PPRC1: variants seen among roughly 807,000 people sequenced by gnomAD.
The protein encoded by PPRC1 is peroxisome proliferator-activated receptor gamma coactivator-related protein 1.
A neutral mutation model predicts 132.5 loss-of-function variants in PPRC1; 23 were observed. That is an observed-to-expected ratio of 0.17 (90% CI 0.12 to 0.25). PPRC1 has a LOEUF of 0.25. Among genes scored for constraint, PPRC1 ranks in the 10% least tolerant of loss-of-function variants. The pLI, the probability that PPRC1 is intolerant of heterozygous loss-of-function variation, is 1.00. For synonymous variants in PPRC1, 872 were observed against 833.5 expected (o/e 1.05, Z -0.80); for missense variants, 2,006 against 2,089.1 (o/e 0.96, Z 0.78).
the PPRC1 span, among the ~76,000 whole-genome samples, chr10:102,124,362 C>A: frequency 1.3e-5 from 2 of 151,728 alleles, no homozygotes; most frequent in African/African-American, 2.4e-5. Flanking sequence ...CGCGCCCGGC[C>A]TTCTTTCTTT....
At chr10:102,130,716 C>G (rs1298494389), upstream of PPRC1, among the ~76,000 whole-genome samples, 3 of 150,894 alleles carry the variant, frequency 2.0e-5, no homozygotes, top group African/African-American at 7.3e-5. Context: ...GCCTGGGTGA[C>G]AAGAGTGAAA....
Position 102,147,282 on chromosome 10 carries a change from C to A in PPRC1, c.4290C>A (p.Val1430=), listed in dbSNP as rs2069302082. The A allele has an allele frequency of 6.2e-7, 1 of 1,612,924 alleles. No individual in the cohort carries two copies. The highest frequency in any genetic ancestry group is 1.1e-5 in the South Asian group (1 of 91,090). ...QGRRGRNSRS[V]SSGSNRTSEA... is the part of the protein sequence containing the mutation. ...GCCGAGGCCGCAACAGCCGTTCTGTCAGCTCTGGGTCCAACCGGACTAGCG... is the reference window on the plus strand; with the variant it reads ...GCCGAGGCCGCAACAGCCGTTCTGTAAGCTCTGGGTCCAACCGGACTAGCG... Residue 1430 remains valine (V), a synonymous_variant, in exon 9 of 14, where the codon GTC becomes GTA. Coordinates refer to ENST00000278070, the MANE Select transcript of PPRC1 (RefSeq NM_015062.5).
chr10:102,139,694 TCAGAGA>T lies in PPRC1; in HGVS notation c.1192_1197del (p.Thr398_Glu399del). On this transcript the variant is annotated inframe_deletion, in exon 5 of 14. Transcript: ENST00000278070. ...GCAGCTGCTTATGCCTACACTGGAG[TCAGAGA>T]CAGAGGCTGCTGTGCCCAAGGTAAC... is the stretch of plus-strand genomic sequence containing the variant. 2 of 1,613,686 alleles carry T rather than the reference TCAGAGA, an allele frequency of 1.2e-6. No homozygotes were observed. The highest frequency in any genetic ancestry group is 2.2e-5 in the South Asian group (2 of 91,078).
intron 6 of PPRC1, 149 bp from the exon 7 acceptor site, chr10:102,144,101 G>T (rs2069116132): frequency 6.7e-6 from 5 of 751,840 alleles, no homozygotes; most frequent in South Asian, 1.4e-5. Flanking sequence ...GGCATCCACT[G>T]GAGGAGACTA....
the PPRC1 span, among the ~76,000 whole-genome samples, chr10:102,125,981 G>A: frequency 6.6e-6 from 1 of 151,532 alleles, no homozygotes; most frequent in Non-Finnish European, 1.5e-5. Flanking sequence ...TCCTGCCTCA[G>A]CCTCCCAAGT....
chr10:102,139,545 T>C lies in PPRC1; in HGVS notation c.1037T>C (p.Leu346Pro). The C allele has an allele frequency of 1.9e-6, 3 of 1,613,880 alleles. No homozygotes were observed. The highest frequency in any genetic ancestry group is 2.2e-5 in the East Asian group (1 of 44,864). Residue 346 changes from leucine (L) to proline (P), a missense_variant, in exon 5 of 14, where the codon CTG (leucine) becomes CCG (proline). Transcript: ENST00000278070. ...ACACTGCCTGAGGGCTGCGTAGTGC[T>C]GGAGATTGTGGGGCAGGCAGCCACA... is the stretch of plus-strand genomic sequence containing the variant. Reference protein sequence around the residue: ...DLTLPEGCVVLEIVGQAATAG... With the variant: ...DLTLPEGCVVPEIVGQAATAG...
rs1449090422 is a variant in PPRC1 at position 102,146,707 on chromosome 10, T to C, written c.3715T>C (p.Trp1239Arg). Residue 1239 changes from tryptophan to arginine, a missense_variant, in exon 9 of 14, where the codon TGG becomes CGG. By Grantham distance (101) the Trp-to-Arg change is moderately radical (BLOSUM62 -3). Around this residue, in one of 2 missense-constraint regions of PPRC1, gnomAD observed 1,914 missense variants for 1,917.2 expected, o/e 1.00. Transcript: ENST00000278070. ...TCCAGCTACCCCTCCCCACCAGTTATGGAAGCCCCTGGCTGCTGTCTCACT... is the reference window on the plus strand; with the variant it reads ...TCCAGCTACCCCTCCCCACCAGTTACGGAAGCCCCTGGCTGCTGTCTCACT... ...TPPATPPHQL[W>R]KPLAAVSLLA... 1.9e-6 allele frequency: 3 copies of C among 1,613,202 alleles called. No individual in the cohort carries two copies. The highest frequency in any genetic ancestry group is 2.2e-5 in the South Asian group (2 of 91,060).
Position 102,139,144 on chromosome 10 carries a change from C to T in PPRC1, c.636C>T (p.Pro212=), listed in dbSNP as rs199712231. The part of the protein sequence containing the change: ...LPDPSWDFSP[P]SFLETSSPKL... ...ATCCCTCTTGGGACTTCTCCCCACCCTCTTTCTTAGAGACCTCTTCCCCCA... is the reference window on the plus strand; with the variant it reads ...ATCCCTCTTGGGACTTCTCCCCACCTTCTTTCTTAGAGACCTCTTCCCCCA... Residue 212 remains proline (P), a synonymous_variant, in exon 5 of 14, where the codon CCC becomes CCT. Transcript: ENST00000278070. 2.5e-6 allele frequency: 4 copies of T among 1,612,126 alleles called. No homozygotes were observed. The highest frequency in any genetic ancestry group is 2.2e-5 in the South Asian group (2 of 90,938).
At chr10:102,133,407 C>T (rs950832910) in intron 1 of PPRC1, among the ~76,000 whole-genome samples, 186 bp downstream of exon 1, 4 of 151,958 alleles carry the variant, frequency 2.6e-5, no homozygotes, top group Non-Finnish European at 4.4e-5. Context: ...AGCGTCTCTA[C>T]GGCCATTCCT....
chr10:102,143,411 C>A (rs1253859044), intron 6 of PPRC1, among the ~76,000 whole-genome samples: 1 of 151,938 alleles, frequency 6.6e-6, no homozygotes, highest in African/African-American at 2.4e-5. Flanking sequence ...CCAGCCTGGC[C>A]AACATGGTGA....
At chr10:102,133,596 C>T (rs1361766057) in intron 1 of PPRC1, among the ~76,000 whole-genome samples, 1 of 152,028 alleles carries the variant, frequency 6.6e-6, no homozygotes, top group Non-Finnish European at 1.5e-5. Context: ...GCAATTTTCC[C>T]GGGAGAACTT....
At chr10:102,120,700 G>A in the PPRC1 span, among the ~76,000 whole-genome samples, 1 of 152,170 alleles carries the variant, frequency 6.6e-6, no homozygotes, top group Non-Finnish European at 1.5e-5. Context: ...AGAGACCCCA[G>A]AGAGGGAGGG....
chr10:102,133,542 C>T (rs1029041120), intron 1 of PPRC1, among the ~76,000 whole-genome samples: 1 of 152,156 alleles, frequency 6.6e-6, no homozygotes, highest in African/African-American at 2.4e-5. Flanking sequence ...CTCCCCGAGC[C>T]CGGCGCCGCA....
intron 13 of PPRC1, 34 bp from the exon 14 acceptor site, chr10:102,149,892 T>C (rs747299870): frequency 2.6e-6 from 4 of 1,519,702 alleles, no homozygotes; most frequent in Middle Eastern, 1.7e-4. Flanking sequence ...GGAAGTGTGG[T>C]CAGAGACCTT....
Position 102,139,096 on chromosome 10 carries a change from G to T in PPRC1, c.592-4G>T. 1.2e-6 allele frequency: 2 copies of T among 1,607,200 alleles called. No homozygotes were observed. On this transcript the variant is annotated splice_polypyrimidine_tract_variant and splice_region_variant and intron_variant, in intron 4 of 13. Coordinates refer to ENST00000278070, the MANE Select transcript of PPRC1 (RefSeq NM_015062.5). ...CCTCCTGAGACCTCTCTTCTCTCCTGCAGGTTGAAATGTCTCTTCCAGATC... is the reference window on the plus strand; with the variant it reads ...CCTCCTGAGACCTCTCTTCTCTCCTTCAGGTTGAAATGTCTCTTCCAGATC...
chr10:102,147,446 T>A, intron 9 of PPRC1, 54 bp downstream of exon 9: 1 of 1,523,094 alleles, frequency 6.6e-7, no homozygotes, highest in African/African-American at 1.4e-5. Context: ...CACGTACTTC[T>A]GTGGTTTACT....
At chr10:102,146,620 A>G in intron 8 of PPRC1, 52 bp from the exon 9 acceptor site, 1 of 1,543,292 alleles carries the variant, frequency 6.5e-7, no homozygotes, top group South Asian at 1.2e-5. Flanking sequence ...GGTATTTGGA[A>G]GCGTAGAATC....
rs1182773111 is a variant in PPRC1, at chr10:102,139,335, T to A, written c.827T>A (p.Met276Lys). 3 of 1,614,038 alleles carry A rather than the reference T, an allele frequency of 1.9e-6. No individual in the cohort carries two copies. Among genetic ancestry groups the A allele is most frequent in the Admixed American group, 3.3e-5 (2 of 60,002 alleles). Residue 276 changes from methionine to lysine, a missense_variant, in exon 5 of 14, where the codon ATG (methionine) becomes AAG (lysine). Transcript: ENST00000278070. ...NCVSSIPDFP[M>K]HLACPEEEDK... ...GTGAGCAGTATCCCGGACTTCCCCA[T>A]GCATTTGGCCTGCCCTGAGGAGGAA...
In PPRC1 at chr10:102,141,161, G is replaced by A; in HGVS notation, c.2653G>A (p.Gly885Arg). The change falls in exon 5 of 14, where the codon GGG becomes AGG. Residue 885 changes from glycine (G) to arginine (R), a missense_variant. Physicochemically the swap from Gly to Arg is moderately radical, Grantham distance 125. Around this residue, in one of 2 missense-constraint regions of PPRC1, gnomAD observed 1,914 missense variants for 1,917.2 expected, o/e 1.00. Coordinates refer to ENST00000278070, the MANE Select transcript of PPRC1 (RefSeq NM_015062.5). ...TGCTGCCCTGCCTTTCCCTGCAGGT[G>A]GGCTTGGCATGCCCCCCAGTCTGCC... is the stretch of plus-strand genomic sequence containing the variant. ...MSAALPFPAG[G>R]LGMPPSLPPP... The A allele has an allele frequency of 1.2e-6, 2 of 1,613,986 alleles. No individual in the cohort carries two copies. The highest frequency in any genetic ancestry group is 1.7e-6 in the Non-Finnish European group (2 of 1,179,944).
Sources: allele counts gnomAD v4.1 joint callset (sites outside exome capture counted in the v4.1 genomes callset), GRCh38; gene constraint gnomAD v4.1.1; regional missense constraint gnomAD v4.1.1; transcripts MANE v1.5; gene names NCBI Gene and HGNC (gene_info 2026-07-23, HGNC 2026-07-21).